The following ALOX5AP variants were observed in gnomAD, a reference collection of about 807,000 sequenced individuals.
ALOX5AP encodes the protein arachidonate 5-lipoxygenase activating protein, also known as arachidonate 5-lipoxygenase-activating protein.
A neutral mutation model predicts 18.5 loss-of-function variants in ALOX5AP; 9 were observed. The observed-to-expected ratio is 0.49, with a 90% CI of 0.29 to 0.85. The LOEUF is 0.85. Among genes scored for constraint, ALOX5AP ranks in the 40% least tolerant of loss-of-function variants. The pLI is 0.08. For missense variants in ALOX5AP, 172 were observed against 202.5 expected (o/e 0.85, Z 0.91); for synonymous variants, 81 against 78.6 (o/e 1.03, Z -0.16).
intron 1 of ALOX5AP, 92 bp downstream of exon 1, chr13:30,735,767 G>A (rs965380234): frequency 1.4e-6 from 2 of 1,412,292 alleles, no homozygotes; most frequent in African/African-American, 1.4e-5. Context: ...GTGTCTGTGT[G>A]TGCGCATGCA....
chr13:30,745,979 G>T (rs1296870963), intron 2 of ALOX5AP, among the ~76,000 whole-genome samples: 1 of 152,200 alleles, frequency 6.6e-6, no homozygotes, highest in Non-Finnish European at 1.5e-5. Context: ...CACCATATCT[G>T]GTTAGAAGTT....
intron 4 of ALOX5AP, among the ~76,000 whole-genome samples, chr13:30,756,287 G>C (rs867960774): frequency 2.6e-5 from 4 of 152,148 alleles, no homozygotes; most frequent in South Asian, 2.1e-4. Flanking sequence ...CTTCAGTGCT[G>C]TTTGCTGCAC....
At chr13:30,747,442 G>T (rs1951818250) in intron 2 of ALOX5AP, among the ~76,000 whole-genome samples, 1 of 152,182 alleles carries the variant, frequency 6.6e-6, no homozygotes, top group Non-Finnish European at 1.5e-5. Flanking sequence ...CAAAGTGTTG[G>T]AATTACAGGT....
chr13:30,740,037 G>C (rs4503649), intron 1 of ALOX5AP, among the ~76,000 whole-genome samples: 8 of 152,036 alleles, frequency 5.3e-5, no homozygotes, highest in African/African-American at 1.7e-4. Context: ...AGTGTCAGCT[G>C]TAATATCCCC....
At chr13:30,732,280 T>C (rs1422717778), upstream of ALOX5AP, among the ~76,000 whole-genome samples, 1 of 151,846 alleles carries the variant, frequency 6.6e-6, no homozygotes, top group African/African-American at 2.4e-5. Flanking sequence ...AGGTGTGGGG[T>C]CCCTGCGTTC....
intron 1 of ALOX5AP, among the ~76,000 whole-genome samples, chr13:30,720,069 C>T (rs192720292): frequency 1.2e-3 from 180 of 152,248 alleles, no homozygotes; most frequent in African/African-American, 4.1e-3. Context: ...CCCTTGTTGG[C>T]CAGGGTGGTC....
intron 4 of ALOX5AP, 77 bp downstream of exon 4, chr13:30,756,102 T>C: frequency 1.4e-6 from 2 of 1,422,774 alleles, no homozygotes; most frequent in Non-Finnish European, 2.0e-6. Flanking sequence ...TTCAAAACAG[T>C]ATTTGACTAG....
At chr13:30,720,663 A>G (rs1321049763) in intron 1 of ALOX5AP, among the ~76,000 whole-genome samples, 2 of 152,226 alleles carry the variant, frequency 1.3e-5, no homozygotes, top group African/African-American at 4.8e-5. Context: ...CAAAAGGAAA[A>G]CAGGAACTAA....
At chr13:30,749,655 G>A (rs558247546) in intron 2 of ALOX5AP, among the ~76,000 whole-genome samples, 1 of 152,304 alleles carries the variant, frequency 6.6e-6, no homozygotes, top group East Asian at 1.9e-4. Flanking sequence ...AGCTCCTACC[G>A]TGTCCATTAG....
chr13:30,731,317 CG>C (rs564924765), upstream of ALOX5AP, among the ~76,000 whole-genome samples: 34 of 152,056 alleles, frequency 2.2e-4, no homozygotes, highest in East Asian at 6.4e-3. Flanking sequence ...AAAGCCAGAC[CG>C]GCCTGGGCTT....
intron 1 of ALOX5AP, among the ~76,000 whole-genome samples, chr13:30,741,831 G>GTTTTTTTTTTTTTTT (rs770976174): frequency 7.5e-6 from 1 of 133,952 alleles, no homozygotes; most frequent in African/African-American, 2.8e-5. Context: ...ATGGTTTTCT[G>GTTTTTTTTTTTTTTT]TTTTTTTTTT....
chr13:30,757,929 C>T (rs902357291), intron 4 of ALOX5AP, among the ~76,000 whole-genome samples: 10 of 152,222 alleles, frequency 6.6e-5, no homozygotes, highest in African/African-American at 2.4e-4. Flanking sequence ...CCCTGGTCTC[C>T]CTCTTTAGGT....
chr13:30,742,973 CT>C (rs1261288158), intron 1 of ALOX5AP, among the ~76,000 whole-genome samples: 1 of 151,234 alleles, frequency 6.6e-6, no homozygotes, highest in African/African-American at 2.4e-5. Flanking sequence ...TCTTATCCCC[CT>C]ATCCTGGATC....
chr13:30,756,226 CA>C (rs1400463174), intron 4 of ALOX5AP, among the ~76,000 whole-genome samples: 2 of 152,092 alleles, frequency 1.3e-5, no homozygotes, highest in African/African-American at 2.4e-5. Context: ...GGGACTTGCC[CA>C]GTTTTCTTAT....
intron 3 of ALOX5AP, among the ~76,000 whole-genome samples, chr13:30,755,005 T>A (rs1049839529): frequency 1.3e-5 from 2 of 152,234 alleles, no homozygotes; most frequent in Non-Finnish European, 2.9e-5. Flanking sequence ...TAGATAACAC[T>A]AGTTCCAGCT....
In ALOX5AP at chr13:30,764,326, T is replaced by C; in HGVS notation, c.*220T>C. ...CGTGGCCCCAAATTTGCTATTCCCATGCATTTTGTTTGTTTCTTCACTTAT... is the reference window on the plus strand; with the variant it reads ...CGTGGCCCCAAATTTGCTATTCCCACGCATTTTGTTTGTTTCTTCACTTAT... On this transcript the variant is annotated 3_prime_UTR_variant, in exon 5 of 5. Coordinates refer to ENST00000380490, the MANE Select transcript of ALOX5AP (RefSeq NM_001629.4). The C allele has an allele frequency of 4.1e-6, 2 of 490,656 alleles. No individual in the cohort carries two copies. Among genetic ancestry groups the C allele is most frequent in the South Asian group, 6.9e-5 (2 of 28,958 alleles). 30.4% of individuals were successfully genotyped at this position (490,656 alleles called of 1,614,324 possible).
At chr13:30,744,230 C>T in intron 2 of ALOX5AP, 71 bp downstream of exon 2, 1 of 1,358,826 alleles carries the variant, frequency 7.4e-7, no homozygotes, top group South Asian at 1.2e-5. Flanking sequence ...GGAGTGATGA[C>T]CACCCTTAAT....
intron 2 of ALOX5AP, among the ~76,000 whole-genome samples, chr13:30,747,248 C>T (rs1356193426): frequency 1.3e-5 from 2 of 152,238 alleles, no homozygotes; most frequent in African/African-American, 4.8e-5. Flanking sequence ...ACGATCTTGG[C>T]TCACTGCAAC....
chr13:30,715,255 A>G (rs970739069), intron 1 of ALOX5AP, among the ~76,000 whole-genome samples: 2 of 152,042 alleles, frequency 1.3e-5, no homozygotes, highest in Non-Finnish European at 2.9e-5. Flanking sequence ...ATAATATAAT[A>G]CCTGTCTTAT....
Sources: gnomAD v4.1 joint callset for allele counts (sites outside exome capture counted in the v4.1 genomes callset) on GRCh38, gnomAD v4.1.1 for gene constraint, MANE v1.5 for transcripts, NCBI Gene and HGNC (gene_info 2026-07-23, HGNC 2026-07-21) for gene names.